Variants in MGAT4C observed in about 807,000 individuals in gnomAD.
MGAT4C encodes alpha-1,3-mannosyl-glycoprotein 4-beta-N-acetylglucosaminyltransferase C.
MGAT4C carries 19 observed loss-of-function variants against 40.1 expected under a neutral mutation model. The ratio of observed to expected loss-of-function variants is 0.47; its 90% CI spans 0.33 to 0.70. MGAT4C has a LOEUF of 0.70. Among genes scored for constraint, MGAT4C ranks in the 30% least tolerant of loss-of-function variants. The pLI is 0.02. For missense variants in MGAT4C, 491 were observed against 563.2 expected (o/e 0.87, Z 1.30); for synonymous variants, 181 against 187.1 (o/e 0.97, Z 0.27).
At chr12:86,112,469 AT>A (rs1003283731) in intron 1 of MGAT4C, among the ~76,000 whole-genome samples, 11 of 151,640 alleles carry the variant, frequency 7.3e-5, no homozygotes, top group African/African-American at 2.7e-4. Flanking sequence ...CCTTATTCAC[AT>A]TTTCAGGGAA....
intron 4 of MGAT4C, among the ~76,000 whole-genome samples, chr12:86,296,395 T>A (rs1268747487): frequency 3.4e-5 from 1 of 29,634 alleles, no homozygotes; most frequent in Non-Finnish European, 1.0e-4. Context: ...TCCCGTGCCA[T>A]GCGCTCGCAC....
intron 4 of MGAT4C, among the ~76,000 whole-genome samples, chr12:86,277,632 A>G (rs1953108793): frequency 6.6e-6 from 1 of 152,086 alleles, no homozygotes; most frequent in South Asian, 2.1e-4. Flanking sequence ...AGTTTCCCCA[A>G]CACCATTTAT....
intron 4 of MGAT4C, among the ~76,000 whole-genome samples, chr12:86,279,091 C>T (rs1228354499): frequency 6.6e-6 from 1 of 150,592 alleles, no homozygotes; most frequent in African/African-American, 2.4e-5. Flanking sequence ...TGGACATTGG[C>T]CTGTAGTTTT....
At chr12:86,370,369 G>A (rs772954438) in intron 3 of MGAT4C, among the ~76,000 whole-genome samples, 9 of 151,948 alleles carry the variant, frequency 5.9e-5, no homozygotes, top group African/African-American at 7.2e-5. Context: ...AGAAAACAGC[G>A]TGTGCAAAAT....
At chr12:86,072,741 C>T (rs973350195) in intron 1 of MGAT4C, among the ~76,000 whole-genome samples, 11 of 152,120 alleles carry the variant, frequency 7.2e-5, no homozygotes, top group East Asian at 1.9e-4. Flanking sequence ...AAAAGAAATA[C>T]GCAACAGAAT....
At chr12:86,483,411 C>A (rs1025532428) in intron 2 of MGAT4C, among the ~76,000 whole-genome samples, 2 of 151,918 alleles carry the variant, frequency 1.3e-5, no homozygotes, top group Non-Finnish European at 2.9e-5. Context: ...CCCCAAAATT[C>A]TTAGTTTGAA....
Position 86,774,339 on chromosome 12 carries a change from C to A in MGAT4C, c.-261-47098G>T, listed in dbSNP as rs1315586943. Among the ~76,000 whole-genome samples, 13 of 71,102 alleles carry A rather than the reference C, an allele frequency of 1.8e-4. 1 individual carries two copies. The highest frequency in any genetic ancestry group is 5.5e-4 in the African/African-American group (12 of 21,958). 46.6% of individuals were successfully genotyped at this position (71,102 alleles called of 152,430 possible). The stretch of plus-strand genomic sequence containing the variant: ...TCTTTCTTTCTTTCTTTCTTTCTTT[C>A]TGTCTCTCTCTCTCCCCTCTCTCTC... On this transcript the variant is annotated intron_variant, in intron 1 of 7. Coordinates refer to the MGAT4C transcript ENST00000548651.
intron 2 of MGAT4C, among the ~76,000 whole-genome samples, chr12:86,600,590 A>G (rs1961730803): frequency 6.6e-6 from 1 of 152,186 alleles, no homozygotes; most frequent in South Asian, 2.1e-4. Context: ...GCCAGCACAA[A>G]GTATGGCCCA....
chr12:86,248,594 GTAGA>G (rs1952140347), intron 1 of MGAT4C, among the ~76,000 whole-genome samples: 1 of 152,078 alleles, frequency 6.6e-6, no homozygotes, highest in East Asian at 1.9e-4. Context: ...TCCCTTCCAA[GTAGA>G]TAGGCAATTG....
At chr12:86,088,456 A>G (rs1872311848) in intron 1 of MGAT4C, among the ~76,000 whole-genome samples, 1 of 152,038 alleles carries the variant, frequency 6.6e-6, no homozygotes, top group African/African-American at 2.4e-5. Flanking sequence ...AGTGGAAAAT[A>G]TTATATTTGC....
At chr12:86,490,605 T>G (rs1265612921) in intron 2 of MGAT4C, among the ~76,000 whole-genome samples, 3 of 151,856 alleles carry the variant, frequency 2.0e-5, no homozygotes, top group African/African-American at 7.3e-5. Flanking sequence ...GACTAAATGC[T>G]CCAATTAAAA....
chr12:86,194,449 C>T (rs990461946), intron 1 of MGAT4C, among the ~76,000 whole-genome samples: 1 of 149,004 alleles, frequency 6.7e-6, no homozygotes, highest in Admixed American at 6.7e-5. Flanking sequence ...AGAGTAGGAG[C>T]AAATCAATTT....
chr12:85,996,875 C>T (rs552124773), intron 2 of MGAT4C, among the ~76,000 whole-genome samples: 5 of 152,148 alleles, frequency 3.3e-5, no homozygotes, highest in African/African-American at 1.2e-4. Context: ...AATATTCCTC[C>T]CTCAATAATT....
At chr12:86,099,385 TG>T (rs11295639) in intron 1 of MGAT4C, among the ~76,000 whole-genome samples, 87,581 of 149,894 alleles carry the variant, frequency 0.58, 25,911 homozygotes, top group South Asian at 0.72. Context: ...TTCTTTCTTT[TG>T]GGGGGGGGCA....
Position 86,149,227 on chromosome 12 carries a change from C to A in MGAT4C, c.-56-99504G>T, listed in dbSNP as rs186856084. On this transcript the variant is annotated intron_variant, in intron 1 of 4. Transcript: ENST00000611864. ...TTTCATACTCCTCAATAACAACATG[C>A]CTGTATTTAATGTTAAAATGAGTGG... Among the ~76,000 whole-genome samples, 344 of 151,872 alleles carry A rather than the reference C, an allele frequency of 2.3e-3. 2 individuals carry two copies. Among genetic ancestry groups the A allele is most frequent in the African/African-American group, 7.9e-3 (327 of 41,418 alleles).
At chr12:86,585,593 T>C (rs888242715) in intron 2 of MGAT4C, among the ~76,000 whole-genome samples, 1 of 151,470 alleles carries the variant, frequency 6.6e-6, no homozygotes, top group Non-Finnish European at 1.5e-5. Flanking sequence ...ATGTGATGAC[T>C]TGAAGTTCTC....
chr12:86,559,790 T>TA (rs1177207699), intron 2 of MGAT4C, among the ~76,000 whole-genome samples: 4 of 151,900 alleles, frequency 2.6e-5, no homozygotes, highest in Non-Finnish European at 5.9e-5. Flanking sequence ...AGGAAAGATT[T>TA]AAAAAATATC....
In MGAT4C at chr12:86,049,742, A is replaced by G. The variant is rs898299612; in HGVS notation, c.-56-19T>C. 46 of 910,326 alleles carry G rather than the reference A, an allele frequency of 5.1e-5. No homozygotes were observed. The highest frequency in any genetic ancestry group is 5.9e-5 in the Non-Finnish European group (45 of 761,314). The allele number at this position is 910,326 out of a possible 1,614,324, so 56.4% of individuals were successfully genotyped here. ...TGATACCCTGGAAAAAAGAAAGTCTAATATTACTAATACAACCCACTGGTT... is the reference window on the plus strand; with the variant it reads ...TGATACCCTGGAAAAAAGAAAGTCTGATATTACTAATACAACCCACTGGTT... On this transcript the variant is annotated intron_variant, in intron 1 of 4. Transcript: ENST00000611864.
chr12:86,786,963 C>T (rs1362262689), intron 1 of MGAT4C, among the ~76,000 whole-genome samples: 1 of 151,868 alleles, frequency 6.6e-6, no homozygotes, highest in Non-Finnish European at 1.5e-5. Flanking sequence ...TGATTATGCC[C>T]CTCAATTGTA....
Sources: gnomAD v4.1 joint callset for allele counts (sites outside exome capture counted in the v4.1 genomes callset) on GRCh38, gnomAD v4.1.1 for gene constraint, MANE v1.5 for transcripts, NCBI Gene and HGNC (gene_info 2026-07-23, HGNC 2026-07-21) for gene names.